Variants in TALDO1 observed in about 807,000 individuals in gnomAD.
TALDO1 encodes transaldolase.
TALDO1 carries 29 observed loss-of-function variants against 38.1 expected under a neutral mutation model. That is an observed-to-expected ratio of 0.76 (90% CI 0.57 to 1.04). The LOEUF is 1.04. TALDO1 is among the 50% of genes least tolerant of loss of function. The pLI is 0.00. For missense variants in TALDO1, 499 were observed against 438.1 expected (o/e 1.14, Z -1.24); for synonymous variants, 207 against 176.8 (o/e 1.17, Z -1.36).
At chr11:763,099 C>T (rs1862967551) in intron 4 of TALDO1, among the ~76,000 whole-genome samples, 1 of 150,322 alleles carries the variant, frequency 6.7e-6, no homozygotes, top group Non-Finnish European at 1.5e-5. Flanking sequence ...TTAACAATGG[C>T]ATGAGCCTGT....
chr11:759,670 C>T (rs551007695), intron 3 of TALDO1, among the ~76,000 whole-genome samples: 91 of 151,880 alleles, frequency 6.0e-4, no homozygotes, highest in African/African-American at 2.1e-3. Context: ...ACCTTCACCT[C>T]CCGGGTTCAA....
Position 760,267 on chromosome 11 carries a change from C to T in TALDO1, c.461+14C>T, listed in dbSNP as rs373077928. On this transcript the variant is annotated intron_variant, in intron 4 of 7. Transcript: ENST00000319006. ...TCAGGCTGGAAAGTAAGTGGTCCCC[C>T]ACAAGGAAGGAGCTCTCAGAGATTT... 385 of 1,613,396 alleles carry T rather than the reference C, an allele frequency of 2.4e-4. No individual in the cohort carries two copies. The Middle Eastern group carries it at 3.0e-3, about 12-fold the overall frequency.
chr11:747,575 C>A lies in TALDO1; in HGVS notation c.94C>A (p.His32Asn), dbSNP rs2133565943. 1 of 1,578,490 alleles carries A rather than the reference C, an allele frequency of 6.3e-7. No individual in the cohort carries two copies. The highest frequency in any genetic ancestry group is 8.6e-7 in the Non-Finnish European group (1 of 1,165,374). ...CGTGGTGGCCGACACGGGCGACTTC[C>A]ACGGTGAGGACGGCGCGGAGCCCGG... ...TTVVADTGDF[H>N]AIDEYKPQDA... is the part of the protein sequence containing the mutation. Residue 32 changes from histidine to asparagine, a missense_variant, in exon 1 of 8, where the codon CAC (histidine) becomes AAC (asparagine). Physicochemically the swap from His to Asn is moderately conservative, Grantham distance 68 (BLOSUM62 1). Coordinates refer to ENST00000319006, the MANE Select transcript of TALDO1 (RefSeq NM_006755.2).
intron 1 of TALDO1, 118 bp downstream of exon 1, chr11:747,696 C>G: frequency 1.1e-6 from 1 of 899,092 alleles, no homozygotes; most frequent in Non-Finnish European, 1.6e-6. Flanking sequence ...CCGGGCGGCT[C>G]GTTCCGGGAG....
chr11:764,173 CA>C, intron 6 of TALDO1, 114 bp from the exon 7 acceptor site: 1 of 1,582,170 alleles, frequency 6.3e-7, no homozygotes, highest in Non-Finnish European at 8.7e-7. Context: ...TTGCTGGGGC[CA>C]AGGCCTGGCC....
intron 2 of TALDO1, 21 bp from the exon 3 acceptor site, chr11:758,929 T>C (rs1862887879): frequency 2.0e-6 from 3 of 1,532,672 alleles, no homozygotes; most frequent in Non-Finnish European, 2.6e-6. Flanking sequence ...CTAACCTGCT[T>C]TTTTTCCCTT....
At chr11:756,023 G>A (rs1862831858) in intron 2 of TALDO1, 21 bp downstream of exon 2, 1 of 1,609,638 alleles carries the variant, frequency 6.2e-7, no homozygotes, top group African/African-American at 1.3e-5. Context: ...GGACTCGGGA[G>A]GGTCCCAGCT....
At chr11:748,959 C>T (rs926665338) in intron 1 of TALDO1, among the ~76,000 whole-genome samples, 3 of 152,174 alleles carry the variant, frequency 2.0e-5, no homozygotes, top group African/African-American at 7.2e-5. Context: ...TTGTTCCTTA[C>T]TGGCCCTCAC....
At chr11:763,138 G>A (rs1862969577) in intron 4 of TALDO1, among the ~76,000 whole-genome samples, 1 of 148,056 alleles carries the variant, frequency 6.8e-6, no homozygotes, top group Non-Finnish European at 1.5e-5. Context: ...AGGCCCGTGA[G>A]CGTCTTTGGC....
intron 2 of TALDO1, among the ~76,000 whole-genome samples, chr11:756,487 G>A (rs1429330491): frequency 6.7e-6 from 1 of 150,120 alleles, no homozygotes; most frequent in Non-Finnish European, 1.5e-5. Flanking sequence ...ACAGGTGTGT[G>A]CCACCACTCC....
Position 759,059 on chromosome 11 carries a change from T to C in TALDO1, c.329+2T>C, listed in dbSNP as rs879205722. 6.2e-7 allele frequency: 1 copy of C among 1,609,414 alleles called. No individual in the cohort carries two copies. Among genetic ancestry groups the C allele is most frequent in the Admixed American group, 1.7e-5 (1 of 59,844 alleles). On this transcript the variant is annotated splice_donor_variant, in intron 3 of 7. Transcript: ENST00000319006. LOFTEE classifies it high-confidence loss of function. ...AGTATCCACAGAAGTAGACGCAAGG[T>C]AAGGATGCTTGCTCCTGCACTGGAT... is the stretch of plus-strand genomic sequence containing the variant.
At chr11:747,639 A>G (rs1397858589) in intron 1 of TALDO1, 61 bp downstream of exon 1, 72 of 1,412,926 alleles carry the variant, frequency 5.1e-5, no homozygotes, top group Non-Finnish European at 6.8e-5. Context: ...CGGCGCCCCG[A>G]TTTCCCCGGG....
chr11:763,351 G>A lies in TALDO1; in HGVS notation c.469G>A (p.Glu157Lys), dbSNP rs140952110. 1.9e-4 allele frequency: 299 copies of A among 1,586,584 alleles called. No individual in the cohort carries two copies. The highest frequency in any genetic ancestry group is 2.4e-4 in the Non-Finnish European group (277 of 1,163,878). ...WEGIQAGKEL[E>K]EQHGIHCNMT... The stretch of plus-strand genomic sequence containing the variant: ...CCTGTCCCCGCCCCGCAGGGAGCTC[G>A]AGGAGCAGCACGGCATCCACTGCAA... Residue 157 changes from glutamate to lysine, a missense_variant, in exon 5 of 8, where the codon GAG (glutamate) becomes AAG (lysine). By Grantham distance (56) the Glu-to-Lys change is moderately conservative. Coordinates refer to ENST00000319006, the MANE Select transcript of TALDO1 (RefSeq NM_006755.2).
intron 1 of TALDO1, among the ~76,000 whole-genome samples, chr11:750,820 GTC>G (rs1564989689): frequency 7.0e-6 from 1 of 142,038 alleles, no homozygotes; most frequent in African/African-American, 2.8e-5. Context: ...GCGAGACTCT[GTC>G]TCAAAAGAAA....
chr11:757,289 A>C (rs983409922), intron 2 of TALDO1, among the ~76,000 whole-genome samples: 1 of 135,596 alleles, frequency 7.4e-6, no homozygotes, highest in Non-Finnish European at 1.6e-5. Context: ...ATGGCCCCAA[A>C]TTTTTTTTTT....
At chr11:757,725 T>G (rs189920463) in intron 2 of TALDO1, among the ~76,000 whole-genome samples, 2 of 152,336 alleles carry the variant, frequency 1.3e-5, no homozygotes, top group African/African-American at 4.8e-5. Context: ...TTTGAAGAGA[T>G]AGAAAATATA....
At position 763,457 on chromosome 11, in the gene TALDO1, G is replaced by A. The variant is rs151052416; in HGVS notation, c.575G>A (p.Arg192His). The A allele has an allele frequency of 1.8e-5, 29 of 1,613,488 alleles. No individual in the cohort carries two copies. Among genetic ancestry groups the A allele is most frequent in the South Asian group, 3.3e-5 (3 of 91,042 alleles). The part of the protein sequence containing the change: ...GVTLISPFVG[R>H]ILDWHVANTD... ...ACCCTCATCTCCCCATTTGTTGGGC[G>A]CATCCTTGATTGGCATGTGGCAAAC... is the stretch of plus-strand genomic sequence containing the variant. Residue 192 changes from arginine to histidine, a missense_variant, in exon 5 of 8, where the codon CGC (arginine) becomes CAC (histidine). Transcript: ENST00000319006.
chr11:755,633 C>T (rs896542926), intron 1 of TALDO1: 8 of 541,270 alleles, frequency 1.5e-5, no homozygotes, highest in Non-Finnish European at 2.7e-5. Flanking sequence ...TGTTACAGGT[C>T]ACCTCTTGCA....
Position 764,993 on chromosome 11 carries a change from A to G in TALDO1, c.*148A>G. Reference sequence around the variant, plus strand: ...TTTTATGTAAAATTTTGCCTAATACATTAAAGCAGTCACTTTTCCTGTGCT... The same window carrying G: ...TTTTATGTAAAATTTTGCCTAATACGTTAAAGCAGTCACTTTTCCTGTGCT... On this transcript the variant is annotated 3_prime_UTR_variant, in exon 8 of 8. Coordinates refer to ENST00000319006, the MANE Select transcript of TALDO1 (RefSeq NM_006755.2). 1 of 1,056,600 alleles carries G rather than the reference A, an allele frequency of 9.5e-7. No individual in the cohort carries two copies. Among genetic ancestry groups the G allele is most frequent in the Non-Finnish European group, 1.4e-6 (1 of 700,084 alleles). The allele number at this position is 1,056,600 out of a possible 1,614,324, so 65.5% of individuals were successfully genotyped here. A position where few individuals can be genotyped will look rare whatever the true frequency, so the allele number is the denominator to read the frequency against.
Sources: allele counts gnomAD v4.1 joint callset (sites outside exome capture counted in the v4.1 genomes callset), GRCh38; gene constraint gnomAD v4.1.1; transcripts MANE v1.5; gene names NCBI Gene and HGNC (gene_info 2026-07-23, HGNC 2026-07-21).